The following ZGRF1 variants were observed in gnomAD, a reference collection of about 807,000 sequenced individuals.
ZGRF1 encodes zinc finger GRF-type containing 1, also known as 5'-3' DNA helicase ZGRF1.
A neutral mutation model predicts 203.5 loss-of-function variants in ZGRF1; 196 were observed. The ratio of observed to expected loss-of-function variants is 0.96; its 90% CI spans 0.86 to 1.08. The LOEUF (loss-of-function observed/expected upper bound fraction) is 1.08. ZGRF1 is among the 50% of genes least tolerant of loss of function. The pLI is 0.00. For synonymous variants in ZGRF1, 809 were observed against 841.3 expected, an observed-to-expected ratio of 0.96 and a Z score of 0.66; for missense variants, 2,326 against 2,416.3, an observed-to-expected ratio of 0.96 and a Z score of 0.78.
At chr4:112,545,883 C>T (rs1203059285) in intron 24 of ZGRF1, among the ~76,000 whole-genome samples, 2 of 151,938 alleles carry the variant, frequency 1.3e-5, no homozygotes, top group African/African-American at 2.4e-5. Context: ...TATGACTCTA[C>T]TCAAATGAGG....
Position 112,618,211 on chromosome 4 carries a change from A to G in ZGRF1, c.1831T>C (p.Ser611Pro). 2 of 1,613,834 alleles carry G rather than the reference A, an allele frequency of 1.2e-6. No individual in the cohort carries two copies. The highest frequency in any genetic ancestry group is 1.7e-6 in the Non-Finnish European group (2 of 1,179,894). The change falls in exon 6 of 28, where the codon TCA (serine) becomes CCA (proline). Residue 611 changes from serine (S) to proline (P), a missense_variant. By Grantham distance (74) the Ser-to-Pro change is moderately conservative. Coordinates refer to ENST00000505019, the MANE Select transcript of ZGRF1 (RefSeq NM_018392.5). ...ACATAAGTTTTATCACAAAACTGTG[A>G]TGGCAGAGTCTCTTTAACAGGAAAT... Reference protein sequence around the residue: ...VTFPVKETLPSQFCDKTYVGF... With the variant: ...VTFPVKETLPPQFCDKTYVGF...
In ZGRF1 at chr4:112,589,808, C is replaced by T. The variant is rs895233953; in HGVS notation, c.3043G>A (p.Asp1015Asn). Residue 1015 changes from aspartate to asparagine, a missense_variant, in exon 11 of 28, where the codon GAT becomes AAT. Transcript: ENST00000505019. ...PVSTFSLNSRDEDFMVEFSET... is the reference protein window; with the variant it reads ...PVSTFSLNSRNEDFMVEFSET... ...GAGAATTCTACCATGAAGTCTTCAT[C>T]TCTTGAGTTCAAAGAAAAGGTAGAA... The T allele has an allele frequency of 4.2e-5, 67 of 1,613,352 alleles. No homozygotes were observed. Among genetic ancestry groups the T allele is most frequent in the Middle Eastern group, 1.7e-4 (1 of 6,056 alleles).
rs3828539 is a variant in ZGRF1 at position 112,584,047 on chromosome 4, A to G, written c.4229T>C (p.Ile1410Thr). ...TCTTAAATATAAGCCAATACTCTTA[A>G]TATCACTTAAAACCATGCCAGGTCG... ...GARPGMVLSD[I>T]KSIGLYLRSQ... Residue 1410 changes from isoleucine to threonine, a missense_variant, in exon 15 of 28, where the codon ATT becomes ACT. Coordinates refer to ENST00000505019, the MANE Select transcript of ZGRF1 (RefSeq NM_018392.5). 7,697 of 1,613,550 alleles carry G rather than the reference A, an allele frequency of 4.8e-3. 267 individuals carry two copies. In the East Asian group the frequency reaches 0.098, roughly 20 times the overall value.
rs542060884 is a variant in ZGRF1, at chr4:112,564,983, G to A, written c.4439-1709C>T. On this transcript the variant is annotated intron_variant, in intron 16 of 27. Transcript: ENST00000505019. ...AAATGAGGTAAGTAAGGAGGTCTCT[G>A]TACCATGGCTCGTACAAGGCAGACT... 1.1e-3 allele frequency: 969 copies of A among 871,470 alleles called. 12 individuals carry two copies. In the South Asian group the frequency reaches 0.012, roughly 11 times the overall value. 54.0% of individuals were successfully genotyped at this position (871,470 alleles called of 1,614,324 possible).
At chr4:112,586,848 C>T (rs2149021783) in intron 12 of ZGRF1, among the ~76,000 whole-genome samples, 1 of 152,204 alleles carries the variant, frequency 6.6e-6, no homozygotes, top group Admixed American at 6.5e-5. Context: ...AAAAAGTTAA[C>T]TGATGTGAAT....
In ZGRF1 at chr4:112,539,949, C is replaced by A. The variant is rs368597840; in HGVS notation, c.6086G>T (p.Arg2029Ile). The A allele has an allele frequency of 1.2e-6, 2 of 1,613,896 alleles. No homozygotes were observed. Among genetic ancestry groups the A allele is most frequent in the Non-Finnish European group, 1.7e-6 (2 of 1,179,822 alleles). ...CACAATCAACAAATGCCTCTTTCCT[C>A]TAGTCAATGCAACATTCATTCTTTT... is the stretch of plus-strand genomic sequence containing the variant. Reference protein sequence around the residue: ...SEKRMNVALTRGKRHLLIVGN... With the variant: ...SEKRMNVALTIGKRHLLIVGN... Residue 2029 changes from arginine to isoleucine, a missense_variant, in exon 27 of 28, where the codon AGA becomes ATA. Arg to Ile is a moderately conservative substitution (Grantham distance 97). Coordinates refer to ENST00000505019, the MANE Select transcript of ZGRF1 (RefSeq NM_018392.5).
intron 1 of ZGRF1, among the ~76,000 whole-genome samples, chr4:112,636,309 T>C (rs1214836687): frequency 6.6e-6 from 1 of 152,216 alleles, no homozygotes; most frequent in Non-Finnish European, 1.5e-5. Context: ...TGTGCTACTA[T>C]ATGTACGGAC....
chr4:112,597,279 A>G (rs1166746886), intron 10 of ZGRF1, among the ~76,000 whole-genome samples: 2 of 151,122 alleles, frequency 1.3e-5, no homozygotes, highest in Non-Finnish European at 2.9e-5. Context: ...TAATCCCAGC[A>G]CTTTGGGAGG....
intron 19 of ZGRF1, among the ~76,000 whole-genome samples, chr4:112,560,020 A>G (rs1741663036): frequency 6.6e-6 from 1 of 152,226 alleles, no homozygotes; most frequent in South Asian, 2.1e-4. Flanking sequence ...GAGTCACTTA[A>G]TCTTGAGAGA....
intron 3 of ZGRF1, among the ~76,000 whole-genome samples, chr4:112,627,478 T>C (rs1389628991): frequency 1.3e-5 from 2 of 152,172 alleles, no homozygotes; most frequent in South Asian, 2.1e-4. Context: ...CGGTGGCTCA[T>C]GTCTGTAATC....
At chr4:112,608,456 T>TA (rs1751089472) in intron 8 of ZGRF1, among the ~76,000 whole-genome samples, 2 of 151,850 alleles carry the variant, frequency 1.3e-5, no homozygotes, top group South Asian at 2.1e-4. Flanking sequence ...CCATCTCTAC[T>TA]AAAAAAATAC....
intron 16 of ZGRF1, among the ~76,000 whole-genome samples, chr4:112,566,356 G>A (rs1184545577): frequency 9.4e-6 from 1 of 106,916 alleles, no homozygotes; most frequent in Non-Finnish European, 1.8e-5. Flanking sequence ...GGGGGGAGGG[G>A]GGAGGGATAG....
chr4:112,634,029 C>A (rs1359072704), intron 1 of ZGRF1, among the ~76,000 whole-genome samples: 1 of 152,130 alleles, frequency 6.6e-6, no homozygotes, highest in Non-Finnish European at 1.5e-5. Flanking sequence ...TCTAAAAGAC[C>A]TAGAAGGATT....
chr4:112,557,934 G>A (rs1208685706), intron 20 of ZGRF1, among the ~76,000 whole-genome samples: 1 of 152,134 alleles, frequency 6.6e-6, no homozygotes, highest in Non-Finnish European at 1.5e-5. Flanking sequence ...GAGTATCACT[G>A]TGCCAAAATT....
intron 16 of ZGRF1, among the ~76,000 whole-genome samples, chr4:112,575,439 G>A (rs1303057946): frequency 1.3e-5 from 2 of 152,124 alleles, no homozygotes; most frequent in Non-Finnish European, 2.9e-5. Context: ...GCAGGACAGT[G>A]GGTGCAGTGC....
In ZGRF1 at chr4:112,554,791, A is replaced by T. The variant is rs1355443384; in HGVS notation, c.5121-9T>A. The T allele has an allele frequency of 7.0e-7, 1 of 1,435,160 alleles. No individual in the cohort carries two copies. Among genetic ancestry groups the T allele is most frequent in the Admixed American group, 2.0e-5 (1 of 50,386 alleles). The allele number at this position is 1,435,160 out of a possible 1,614,324, so 88.9% of individuals were successfully genotyped here. ...ATCCAAGACTGAGAAGCCTTTAAAT[A>T]AGAAAACAATATAGATTCTGATTAT... On this transcript the variant is annotated splice_polypyrimidine_tract_variant and intron_variant, in intron 20 of 27. Coordinates refer to ENST00000505019, the MANE Select transcript of ZGRF1 (RefSeq NM_018392.5).
intron 25 of ZGRF1, 35 bp downstream of exon 25, chr4:112,541,057 C>T: frequency 1.3e-6 from 2 of 1,548,090 alleles, no homozygotes; most frequent in Non-Finnish European, 1.8e-6. Context: ...GGAACCTAAA[C>T]CATGTTGACT....
intron 24 of ZGRF1, among the ~76,000 whole-genome samples, chr4:112,542,764 TTTTC>T (rs957358761): frequency 4.6e-5 from 7 of 151,914 alleles, no homozygotes; most frequent in Non-Finnish European, 1.0e-4. Context: ...TTTTCTTTCC[TTTTC>T]TTTCTTTCCT....
At chr4:112,609,585 C>T (rs1446516826) in intron 7 of ZGRF1, among the ~76,000 whole-genome samples, 156 bp from the exon 8 acceptor site, 1 of 150,460 alleles carries the variant, frequency 6.6e-6, no homozygotes, top group Non-Finnish European at 1.5e-5. Context: ...GTGGGCGGAT[C>T]ACCTGAGGTA....
Sources: allele counts gnomAD v4.1 joint callset (sites outside exome capture counted in the v4.1 genomes callset), GRCh38; gene constraint gnomAD v4.1.1; transcripts MANE v1.5; gene names NCBI Gene and HGNC (gene_info 2026-07-23, HGNC 2026-07-21).